Variants in MLIP observed in about 807,000 individuals in gnomAD.
MLIP encodes the protein muscular LMNA interacting protein, also known as muscular LMNA-interacting protein.
In MLIP, 79 loss-of-function variants were observed where a neutral mutation model predicts 84.8. The ratio of observed to expected loss-of-function variants is 0.93; its 90% CI spans 0.78 to 1.12. The LOEUF is 1.12. Among genes scored for constraint, MLIP ranks in the 50% most tolerant of loss-of-function variants. The probability of loss-of-function intolerance (pLI) is 0.00; values close to 1 mark genes in which losing one functional copy is unlikely to be tolerated. For synonymous variants in MLIP, 504 were observed against 463.0 expected (o/e 1.09, Z -1.14); for missense variants, 1,257 against 1,160.6 (o/e 1.08, Z -1.21).
In MLIP at chr6:54,230,824, T is replaced by C. The variant is rs1780945137; in HGVS notation, c.2829T>C (p.Cys943=). 1.2e-6 allele frequency: 2 copies of C among 1,614,074 alleles called. No homozygotes were observed. Among genetic ancestry groups the C allele is most frequent in the South Asian group, 2.2e-5 (2 of 91,080 alleles). Residue 943 remains cysteine (C), a synonymous_variant, in exon 12 of 14, where the codon TGT becomes TGC. Transcript: ENST00000502396. ...CACAGACCCTCTCACATGCTGACTG[T>C]CTTGCCCCAGGACCCTTCAGTCATC... is the stretch of plus-strand genomic sequence containing the variant. The part of the protein sequence containing the change: ...LHPQTLSHAD[C]LAPGPFSHLS...
At chr6:54,082,046 T>C (rs1767194067) in intron 1 of MLIP, among the ~76,000 whole-genome samples, 1 of 152,164 alleles carries the variant, frequency 6.6e-6, no homozygotes, top group South Asian at 2.1e-4. Flanking sequence ...TAACTATATA[T>C]AAATTTATAT....
chr6:54,129,580 A>C (rs552293646), intron 3 of MLIP, among the ~76,000 whole-genome samples: 3 of 152,216 alleles, frequency 2.0e-5, no homozygotes, highest in African/African-American at 4.8e-5. Flanking sequence ...TGTTGCTCTT[A>C]CTTAAGCAAA....
At chr6:54,047,633 C>T (rs1765141626) in intron 1 of MLIP, 2 of 152,142 alleles carry the variant, frequency 1.3e-5, no homozygotes. Context: ...AGGATTGAGA[C>T]CTGCTGACCT....
chr6:54,164,954 T>C (rs1253408621), intron 8 of MLIP, among the ~76,000 whole-genome samples: 1 of 151,988 alleles, frequency 6.6e-6, no homozygotes, highest in African/African-American at 2.4e-5. Flanking sequence ...GATATATGAT[T>C]TCACTTATCT....
At chr6:54,241,079 CAT>C (rs1273756890) in intron 12 of MLIP, among the ~76,000 whole-genome samples, 1 of 151,866 alleles carries the variant, frequency 6.6e-6, no homozygotes, top group Non-Finnish European at 1.5e-5. Context: ...GTTTTTACCT[CAT>C]AGAAAACACT....
At chr6:54,245,139 A>G (rs1037511533) in intron 12 of MLIP, among the ~76,000 whole-genome samples, 16 of 152,256 alleles carry the variant, frequency 1.1e-4, no homozygotes, top group African/African-American at 3.4e-4. Flanking sequence ...CACCACACAC[A>G]TCAGCCACCT....
intron 12 of MLIP, among the ~76,000 whole-genome samples, chr6:54,255,624 A>C (rs769761803): frequency 3.0e-4 from 46 of 152,190 alleles, no homozygotes; most frequent in Non-Finnish European, 5.4e-4. Flanking sequence ...GATTAGGATA[A>C]TCAACACATA....
intron 10 of MLIP, among the ~76,000 whole-genome samples, chr6:54,196,969 A>G (rs909290137): frequency 6.6e-6 from 1 of 152,152 alleles, no homozygotes; most frequent in Non-Finnish European, 1.5e-5. Context: ...AAAAACTGAA[A>G]AAGAAGGAAT....
In MLIP at chr6:54,124,680, A is replaced by G; in HGVS notation, c.460A>G (p.Ser154Gly). ...CTCCGAAGGGGAAGATGAGGCTGCAAGCAGAAAAGTTGAACAAGGCCCCCC... is the reference window on the plus strand; with the variant it reads ...CTCCGAAGGGGAAGATGAGGCTGCAGGCAGAAAAGTTGAACAAGGCCCCCC... ...VDSEGEDEAA[S>G]RKVEQGPPGG... The change falls in exon 3 of 14, where the codon AGC (serine) becomes GGC (glycine). Residue 154 changes from serine (S) to glycine (G), a missense_variant. By Grantham distance (56) the Ser-to-Gly change is moderately conservative. Coordinates refer to ENST00000502396, the MANE Select transcript of MLIP (RefSeq NM_001281747.2). 6.2e-7 allele frequency: 1 copy of G among 1,614,190 alleles called. No individual in the cohort carries two copies. The highest frequency in any genetic ancestry group is 8.5e-7 in the Non-Finnish European group (1 of 1,180,020).
intron 1 of MLIP, among the ~76,000 whole-genome samples, chr6:54,093,132 G>A (rs904042716): frequency 3.3e-5 from 5 of 152,056 alleles, no homozygotes; most frequent in East Asian, 1.9e-4. Flanking sequence ...CTGCCTCAGC[G>A]TCCCAAAGTG....
intron 1 of MLIP, among the ~76,000 whole-genome samples, chr6:54,082,588 G>A (rs546936888): frequency 3.5e-4 from 53 of 152,264 alleles, no homozygotes; most frequent in South Asian, 1.2e-3. Flanking sequence ...ATATTGACAA[G>A]TTTCTCTCCA....
chr6:54,023,941 T>C (rs984883997), intron 1 of MLIP, among the ~76,000 whole-genome samples: 10 of 152,226 alleles, frequency 6.6e-5, no homozygotes, highest in African/African-American at 1.9e-4. Context: ...GTTGTTAAAA[T>C]GTAAAGCTAC....
intron 8 of MLIP, 54 bp from the exon 9 acceptor site, chr6:54,169,469 GAGTCT>G: frequency 8.5e-7 from 1 of 1,178,778 alleles, no homozygotes; most frequent in Non-Finnish European, 1.2e-6. Flanking sequence ...TCCAGAAGTT[GAGTCT>G]ATTATTATTT....
chr6:54,114,035 G>C (rs888428551), intron 1 of MLIP, among the ~76,000 whole-genome samples: 9 of 152,154 alleles, frequency 5.9e-5, no homozygotes, highest in African/African-American at 1.9e-4. Flanking sequence ...AGTGTAGACT[G>C]TGAGAAATTT....
At chr6:54,097,279 G>A (rs914255868) in intron 1 of MLIP, among the ~76,000 whole-genome samples, 2 of 152,116 alleles carry the variant, frequency 1.3e-5, no homozygotes, top group East Asian at 1.9e-4. Flanking sequence ...ATCTAAGATG[G>A]CTGCTAGAGA....
chr6:54,128,199 T>C (rs1771086605), intron 3 of MLIP, among the ~76,000 whole-genome samples: 1 of 152,126 alleles, frequency 6.6e-6, no homozygotes, highest in Non-Finnish European at 1.5e-5. Context: ...TGATGTTGAG[T>C]TTGAGATGCC....
At chr6:54,183,149 G>C (rs558927376) in intron 9 of MLIP, among the ~76,000 whole-genome samples, 3 of 152,236 alleles carry the variant, frequency 2.0e-5, no homozygotes, top group South Asian at 4.2e-4. Context: ...CACTCTTCTT[G>C]TTGTTATGCT....
intron 1 of MLIP, chr6:54,083,615 C>T (rs2150360767): frequency 1.4e-5 from 21 of 1,535,970 alleles, no homozygotes; most frequent in Non-Finnish European, 1.8e-5. Context: ...TTTGAATGTT[C>T]TGTGAGTTCT....
Position 54,160,563 on chromosome 6 carries a change from TA to T in MLIP, c.2404del (p.Thr802ProfsTer62). 2.5e-6 allele frequency: 4 copies of T among 1,612,434 alleles called. No individual in the cohort carries two copies. The highest frequency in any genetic ancestry group is 3.4e-6 in the Non-Finnish European group (4 of 1,179,030). ...LRQQTEELCA[T>X]IDKVLQDSLS... ...GGCAGCAAACTGAAGAGCTCTGTGC[TA>T]CCATTGATAAGGTCTTACAGGATTC... On this transcript the variant is annotated frameshift_variant, in exon 7 of 14. Transcript: ENST00000502396. LOFTEE classifies it high-confidence loss of function.
Sources: allele counts gnomAD v4.1 joint callset (sites outside exome capture counted in the v4.1 genomes callset), GRCh38; gene constraint gnomAD v4.1.1; transcripts MANE v1.5; gene names NCBI Gene and HGNC (gene_info 2026-07-23, HGNC 2026-07-21).